The following PHIP variants were observed in gnomAD, a reference collection of about 807,000 sequenced individuals.
PHIP encodes the protein PH-interacting protein.
Under a neutral mutation model 236.8 loss-of-function variants are expected in PHIP, and 54 were observed. The ratio of observed to expected loss-of-function variants is 0.23; its 90% CI spans 0.18 to 0.29. The LOEUF (loss-of-function observed/expected upper bound fraction) is 0.29, where lower values mean the gene tolerates loss of function less well. Among genes scored for constraint, PHIP ranks in the 10% least tolerant of loss-of-function variants. The pLI, the probability that PHIP is intolerant of heterozygous loss-of-function variation, is 1.00. For missense variants in PHIP, 1,370 were observed against 2,190.8 expected, an observed-to-expected ratio of 0.63 and a Z score of 7.48; for synonymous variants, 756 against 718.9, an observed-to-expected ratio of 1.05 and a Z score of -0.83.
At chr6:78,965,787 T>C in intron 28 of PHIP, 23 bp from the exon 29 acceptor site, 1 of 1,384,858 alleles carries the variant, frequency 7.2e-7, no homozygotes, top group Non-Finnish European at 1.0e-6. Flanking sequence ...AAAATCATTA[T>C]ATTAAAAAAT....
At chr6:79,041,615 T>C (rs529379937) in intron 7 of PHIP, among the ~76,000 whole-genome samples, 1 of 152,220 alleles carries the variant, frequency 6.6e-6, no homozygotes, top group Admixed American at 6.6e-5. Context: ...GAGGTGAATT[T>C]GAATATACCC....
In PHIP at chr6:78,993,495, A is replaced by G. The variant is rs144791891; in HGVS notation, c.2202-2510T>C. Among the ~76,000 whole-genome samples the G allele has an allele frequency of 6.2e-4, 95 of 152,344 alleles. 1 individual carries two copies. The South Asian group carries it at 7.9e-3, about 13-fold the overall frequency. On this transcript the variant is annotated intron_variant, in intron 19 of 39. Transcript: ENST00000275034. ...TCTAAATCTTTTCTTAGGGGCTAATACAGCTAGTGACTTCAAGTTGAAGCT... is the reference window on the plus strand; with the variant it reads ...TCTAAATCTTTTCTTAGGGGCTAATGCAGCTAGTGACTTCAAGTTGAAGCT...
chr6:79,044,682 C>T (rs775925762), intron 6 of PHIP, among the ~76,000 whole-genome samples: 1 of 151,926 alleles, frequency 6.6e-6, no homozygotes, highest in South Asian at 2.1e-4. Context: ...TCCAAAATGT[C>T]GAATTTTAGG....
chr6:79,041,746 C>G (rs1289170147), intron 7 of PHIP, among the ~76,000 whole-genome samples: 2 of 151,938 alleles, frequency 1.3e-5, no homozygotes, highest in African/African-American at 4.8e-5. Flanking sequence ...GAAAATAATA[C>G]TTGATACAAG....
intron 24 of PHIP, among the ~76,000 whole-genome samples, chr6:78,974,245 T>C (rs1767862808): frequency 6.6e-6 from 1 of 152,080 alleles, no homozygotes; most frequent in South Asian, 2.1e-4. Context: ...CTCAACTACA[T>C]GGAAACTGAA....
chr6:79,050,929 A>ACAAAGCAGGCCAT (rs1248377394), intron 6 of PHIP, among the ~76,000 whole-genome samples: 1 of 152,218 alleles, frequency 6.6e-6, no homozygotes, highest in Non-Finnish European at 1.5e-5. Context: ...AGATAATACT[A>ACAAAGCAGGCCAT]CAAAGCAGGC....
rs539361062 is a variant in PHIP, at chr6:78,978,111, T to C, written c.2889+481A>G. 5.9e-5 allele frequency among the ~76,000 whole-genome samples: 9 copies of C among 152,200 alleles called. No individual in the cohort carries two copies. In the East Asian group the frequency reaches 1.7e-3, roughly 29 times the overall value. Reference sequence around the variant, plus strand: ...CTAAAACAATGGTCTCATCCTCAGTTTCTTAAAAATTAAATAGTATTTCTT... The same window carrying C: ...CTAAAACAATGGTCTCATCCTCAGTCTCTTAAAAATTAAATAGTATTTCTT... On this transcript the variant is annotated intron_variant, in intron 24 of 39. Coordinates refer to ENST00000275034, the MANE Select transcript of PHIP (RefSeq NM_017934.7).
At chr6:78,985,896 T>C (rs1768838043) in intron 21 of PHIP, among the ~76,000 whole-genome samples, 1 of 152,174 alleles carries the variant, frequency 6.6e-6, no homozygotes, top group Non-Finnish European at 1.5e-5. Context: ...AATACAGCTT[T>C]TACCTTTTTT....
In PHIP at chr6:78,988,350, C is replaced by A. The variant is rs1768995912; in HGVS notation, c.2320-1G>T. 2 of 1,566,656 alleles carry A rather than the reference C, an allele frequency of 1.3e-6. No individual in the cohort carries two copies. The highest frequency in any genetic ancestry group is 2.3e-5 in the East Asian group (1 of 43,956). On this transcript the variant is annotated splice_acceptor_variant, in intron 20 of 39. Coordinates refer to ENST00000275034, the MANE Select transcript of PHIP (RefSeq NM_017934.7). LOFTEE classifies it high-confidence loss of function. ...CCAGGAAATGCTCATGAGCATGATT[C>A]TAGAAAAAAATAAATTAAATTTATT...
intron 24 of PHIP, among the ~76,000 whole-genome samples, chr6:78,972,084 C>A (rs1767619243): frequency 6.6e-6 from 1 of 152,114 alleles, no homozygotes; most frequent in Admixed American, 6.5e-5. Flanking sequence ...AGGGCACAGA[C>A]AAACAAAAAG....
chr6:78,987,744 T>A (rs1378698090), intron 21 of PHIP, among the ~76,000 whole-genome samples: 4 of 152,174 alleles, frequency 2.6e-5, no homozygotes, highest in African/African-American at 9.7e-5. Flanking sequence ...TAATGACGCA[T>A]GAGGAATATT....
At chr6:78,982,460 T>C (rs1375348104) in intron 23 of PHIP, among the ~76,000 whole-genome samples, 1 of 152,056 alleles carries the variant, frequency 6.6e-6, no homozygotes, top group East Asian at 1.9e-4. Context: ...TAACAAGTTG[T>C]GTCATTTCTA....
intron 19 of PHIP, among the ~76,000 whole-genome samples, chr6:78,992,345 CAGA>C (rs1477417798): frequency 6.6e-6 from 1 of 152,156 alleles, no homozygotes; most frequent in Admixed American, 6.5e-5. Flanking sequence ...GGTACAACAT[CAGA>C]AGGAGGATGC....
At position 78,941,218 on chromosome 6, in the gene PHIP, A is replaced by T. The variant is rs1369466541; in HGVS notation, c.4941T>A (p.Val1647=). 10 of 1,613,788 alleles carry T rather than the reference A, an allele frequency of 6.2e-6. No individual in the cohort carries two copies. The highest frequency in any genetic ancestry group is 1.6e-4 in the Middle Eastern group (1 of 6,084). The change falls in exon 40 of 40, where the codon GTT becomes GTA. Residue 1647 remains valine (V), a synonymous_variant. Transcript: ENST00000275034. ...GTATAATTTCACCACTATTGGTATT[A>T]ACTTCTACTTTAGGTTTCCTTCCAG... ...RGPGRKPKVE[V]NTNSGEIIHK... is the part of the protein sequence containing the mutation.
intron 15 of PHIP, among the ~76,000 whole-genome samples, chr6:79,012,596 A>G (rs1166181857): frequency 6.6e-6 from 1 of 151,784 alleles, no homozygotes; most frequent in Non-Finnish European, 1.5e-5. Flanking sequence ...TTAGGGATTA[A>G]ATTTGTATGC....
At chr6:79,028,616 C>A (rs1222887712) in intron 7 of PHIP, among the ~76,000 whole-genome samples, 1 of 152,190 alleles carries the variant, frequency 6.6e-6, no homozygotes, top group Non-Finnish European at 1.5e-5. Flanking sequence ...AAATTAAGTT[C>A]TCTACATTTC....
intron 4 of PHIP, among the ~76,000 whole-genome samples, chr6:79,065,861 ATTCT>A (rs1773597583): frequency 6.6e-6 from 1 of 151,910 alleles, no homozygotes; most frequent in Non-Finnish European, 1.5e-5. Context: ...TTTTCTAAAC[ATTCT>A]TTATAAACAT....
intron 7 of PHIP, among the ~76,000 whole-genome samples, chr6:79,037,614 C>G (rs1168382303): frequency 4.6e-5 from 7 of 152,084 alleles, no homozygotes; most frequent in Admixed American, 6.6e-5. Context: ...AGAAGGGGAT[C>G]CCAGGCAAAG....
intron 31 of PHIP, 133 bp from the exon 32 acceptor site, chr6:78,958,733 C>T: frequency 3.1e-6 from 2 of 641,532 alleles, no homozygotes; most frequent in South Asian, 3.8e-5. Context: ...CTTATAAAGT[C>T]ATTTTCAAAG....
Sources: allele counts gnomAD v4.1 joint callset (sites outside exome capture counted in the v4.1 genomes callset), GRCh38; gene constraint gnomAD v4.1.1; transcripts MANE v1.5; gene names NCBI Gene and HGNC (gene_info 2026-07-23, HGNC 2026-07-21).